The following TGFBRAP1 variants were observed in gnomAD, a reference collection of about 807,000 sequenced individuals.
TGFBRAP1 encodes transforming growth factor-beta receptor-associated protein 1.
Under a neutral mutation model 83.2 loss-of-function variants are expected in TGFBRAP1, and 20 were observed. The observed-to-expected ratio is 0.24, with a 90% CI of 0.17 to 0.35. The LOEUF is 0.35. TGFBRAP1 is among the 10% of genes least tolerant of loss of function. TGFBRAP1 has a pLI of 1.00. For missense variants in TGFBRAP1, 950 were observed against 1,099.4 expected, an observed-to-expected ratio of 0.86 and a Z score of 1.92; for synonymous variants, 415 against 459.8, an observed-to-expected ratio of 0.90 and a Z score of 1.25.
At chr2:105,279,161 A>C (rs1677445808) in intron 6 of TGFBRAP1, among the ~76,000 whole-genome samples, 1 of 152,212 alleles carries the variant, frequency 6.6e-6, no homozygotes, top group Non-Finnish European at 1.5e-5. Flanking sequence ...TTAGCTGCCC[A>C]GAATGGAGAA....
At chr2:105,303,412 C>T (rs929117031) in intron 2 of TGFBRAP1, among the ~76,000 whole-genome samples, 4 of 152,134 alleles carry the variant, frequency 2.6e-5, no homozygotes, top group African/African-American at 9.7e-5. Flanking sequence ...TGAAACCAGA[C>T]CCAGGGCAAG....
intron 5 of TGFBRAP1, 46 bp from the exon 6 acceptor site, chr2:105,280,769 T>A (rs376202176): frequency 6.4e-7 from 1 of 1,553,874 alleles, no homozygotes; most frequent in Non-Finnish European, 8.7e-7. Flanking sequence ...GAGAGAAGAG[T>A]ACACATAGGC....
At chr2:105,323,166 T>C (rs1021962436) in intron 1 of TGFBRAP1, among the ~76,000 whole-genome samples, 1 of 152,114 alleles carries the variant, frequency 6.6e-6, no homozygotes, top group East Asian at 1.9e-4. Flanking sequence ...GAAGCATGCA[T>C]TGGAGGCCAG....
At chr2:105,318,201 C>T (rs1268213558) in intron 1 of TGFBRAP1, among the ~76,000 whole-genome samples, 1 of 152,144 alleles carries the variant, frequency 6.6e-6, no homozygotes, top group East Asian at 1.9e-4. Flanking sequence ...CTAGAAACAC[C>T]TCATGTTTCC....
At chr2:105,306,615 T>C (rs1678507641) in intron 2 of TGFBRAP1, among the ~76,000 whole-genome samples, 2 of 151,904 alleles carry the variant, frequency 1.3e-5, no homozygotes, top group Admixed American at 6.6e-5. Flanking sequence ...CTGGCCAACA[T>C]GGTGAAACCC....
chr2:105,285,347 T>C (rs1335438621), intron 4 of TGFBRAP1, among the ~76,000 whole-genome samples: 1 of 152,238 alleles, frequency 6.6e-6, no homozygotes, highest in East Asian at 1.9e-4. Context: ...CGGTGCTTAC[T>C]GATCAACTCT....
intron 6 of TGFBRAP1, among the ~76,000 whole-genome samples, chr2:105,278,640 G>A (rs1677429766): frequency 6.6e-6 from 1 of 152,162 alleles, no homozygotes; most frequent in Non-Finnish European, 1.5e-5. Flanking sequence ...TGAGCCCTCA[G>A]CACCCTCCCA....
intron 7 of TGFBRAP1, among the ~76,000 whole-genome samples, 174 bp from the exon 8 acceptor site, chr2:105,275,877 A>T (rs1162932694): frequency 6.6e-6 from 1 of 151,862 alleles, no homozygotes; most frequent in Non-Finnish European, 1.5e-5. Context: ...TGGAGAAATA[A>T]AGAAATGTAA....
intron 1 of TGFBRAP1, among the ~76,000 whole-genome samples, chr2:105,328,568 G>C (rs1035436903): frequency 1.3e-5 from 2 of 152,026 alleles, no homozygotes; most frequent in South Asian, 2.1e-4. Flanking sequence ...CTCTACATTC[G>C]TTCATCCTGA....
chr2:105,307,788 C>T lies in TGFBRAP1; in HGVS notation c.514G>A (p.Ala172Thr), dbSNP rs1476980816. 1 of 1,614,166 alleles carries T rather than the reference C, an allele frequency of 6.2e-7. No homozygotes were observed. The change falls in exon 2 of 12, where the codon GCT (alanine) becomes ACT (threonine). Residue 172 changes from alanine to threonine, a missense_variant. Transcript: ENST00000393359. ...AGGAAGTGGCCGTCCACAGCCACAG[C>T]GAGGGGCTGCTCGGCAGTCGACACC... The part of the protein sequence containing the change: ...KEVSTAEQPL[A>T]VAVDGHFLCL...
chr2:105,254,321 C>T, the TGFBRAP1 span, among the ~76,000 whole-genome samples: 5 of 152,212 alleles, frequency 3.3e-5, no homozygotes, highest in East Asian at 5.8e-4. Context: ...CCCTGGCCCT[C>T]ACAGGCAGGC....
downstream of TGFBRAP1, among the ~76,000 whole-genome samples, chr2:105,263,133 C>G (rs559900300): frequency 1.3e-5 from 2 of 152,168 alleles, no homozygotes; most frequent in African/African-American, 4.8e-5. Context: ...CCTAATCTGC[C>G]GTTGTAACAT....
chr2:105,295,825 A>G (rs906172635), intron 4 of TGFBRAP1, among the ~76,000 whole-genome samples: 2 of 152,056 alleles, frequency 1.3e-5, no homozygotes, highest in East Asian at 3.9e-4. Flanking sequence ...AAAAAAAAAA[A>G]AAAAAAAGTT....
At chr2:105,262,732 C>T (rs911880553), downstream of TGFBRAP1, among the ~76,000 whole-genome samples, 1 of 152,168 alleles carries the variant, frequency 6.6e-6, no homozygotes, top group African/African-American at 2.4e-5. Context: ...CTTCTTGCCA[C>T]GTGATCTCAT....
chr2:105,253,129 G>GC, the TGFBRAP1 span, among the ~76,000 whole-genome samples: 1 of 151,570 alleles, frequency 6.6e-6, no homozygotes, highest in Admixed American at 6.6e-5. Flanking sequence ...ATGCCCCTTA[G>GC]TTTTTTGTTT....
At chr2:105,322,420 T>C (rs1679095052) in intron 1 of TGFBRAP1, among the ~76,000 whole-genome samples, 1 of 152,210 alleles carries the variant, frequency 6.6e-6, no homozygotes, top group Admixed American at 6.5e-5. Context: ...CAGTAATGTT[T>C]TAGGCCTTCA....
intron 2 of TGFBRAP1, among the ~76,000 whole-genome samples, chr2:105,303,740 T>A (rs771546205): frequency 3.9e-5 from 6 of 152,160 alleles, no homozygotes; most frequent in East Asian, 1.9e-4. Flanking sequence ...CACTAGGAAG[T>A]GGTCTTGCCT....
intron 1 of TGFBRAP1, among the ~76,000 whole-genome samples, chr2:105,322,875 T>C (rs1679108596): frequency 6.6e-6 from 1 of 152,154 alleles, no homozygotes; most frequent in Non-Finnish European, 1.5e-5. Context: ...ATAAGTGAAC[T>C]GACAAAAGTT....
At chr2:105,283,544 C>T (rs909503809) in intron 5 of TGFBRAP1, among the ~76,000 whole-genome samples, 7 of 152,294 alleles carry the variant, frequency 4.6e-5, no homozygotes, top group African/African-American at 1.4e-4. Context: ...AGAACTTACT[C>T]TAAAGGCAGT....
Sources: allele counts gnomAD v4.1 joint callset (sites outside exome capture counted in the v4.1 genomes callset), GRCh38; gene constraint gnomAD v4.1.1; transcripts MANE v1.5; gene names NCBI Gene and HGNC (gene_info 2026-07-23, HGNC 2026-07-21).